Variants in GSE1 observed in about 807,000 individuals in gnomAD.
GSE1 encodes genetic suppressor element 1.
GSE1 carries 32 observed loss-of-function variants against 112.6 expected under a neutral mutation model. The ratio of observed to expected loss-of-function variants is 0.28; its 90% CI spans 0.21 to 0.38. The LOEUF (loss-of-function observed/expected upper bound fraction) is 0.38, where lower values mean the gene tolerates loss of function less well. GSE1 is among the 10% of genes least tolerant of loss of function. The pLI is 1.00. For synonymous variants in GSE1, 1,115 were observed against 735.6 expected (o/e 1.52, Z -8.35); for missense variants, 2,348 against 1,699.2 (o/e 1.38, Z -6.71).
intron 1 of GSE1, among the ~76,000 whole-genome samples, chr16:85,181,434 G>C (rs1274845274): frequency 6.6e-6 from 1 of 152,240 alleles, no homozygotes; most frequent in East Asian, 1.9e-4. Flanking sequence ...CCCTGCCCTG[G>C]AGTTCAGGGG....
intron 2 of GSE1, among the ~76,000 whole-genome samples, chr16:85,437,075 G>A (rs1380687236): frequency 1.3e-5 from 2 of 152,208 alleles, no homozygotes; most frequent in African/African-American, 2.4e-5. Context: ...GGGCGCAGCC[G>A]GCCGGTCTCA....
chr16:85,564,405 G>A (rs1598200263), intron 1 of GSE1, among the ~76,000 whole-genome samples: 1 of 152,204 alleles, frequency 6.6e-6, no homozygotes, highest in Admixed American at 6.5e-5. Context: ...TGTGTGGGGG[G>A]CATGGATTGA....
At chr16:85,484,521 C>T (rs1029325336) in intron 2 of GSE1, among the ~76,000 whole-genome samples, 7 of 152,228 alleles carry the variant, frequency 4.6e-5, no homozygotes, top group African/African-American at 1.4e-4. Context: ...CCTTGAGTGA[C>T]GAAGCCAGGG....
At chr16:85,499,460 G>A (rs1029552021) in intron 2 of GSE1, among the ~76,000 whole-genome samples, 5 of 151,810 alleles carry the variant, frequency 3.3e-5, no homozygotes, top group Non-Finnish European at 7.4e-5. Flanking sequence ...ACAGGCACCC[G>A]CCACCACGCC....
At position 85,659,161 on chromosome 16, in the gene GSE1, G is replaced by A. The variant is rs115394060; in HGVS notation, c.1640+1557G>A. ...TTCTGCTAAGAGGGACAGCAGCGTCGGATTTGTCCCTTGGCCTGGAGTCTG... is the reference window on the plus strand; with the variant it reads ...TTCTGCTAAGAGGGACAGCAGCGTCAGATTTGTCCCTTGGCCTGGAGTCTG... On this transcript the variant is annotated intron_variant, in intron 8 of 15. Transcript: ENST00000253458. Among the ~76,000 whole-genome samples, 264 of 152,290 alleles carry A rather than the reference G, an allele frequency of 1.7e-3. 3 individuals are homozygous for A. Among genetic ancestry groups the A allele is most frequent in the African/African-American group, 6.0e-3 (248 of 41,554 alleles).
At chr16:85,225,542 G>C (rs564295207) in intron 1 of GSE1, among the ~76,000 whole-genome samples, 1 of 152,190 alleles carries the variant, frequency 6.6e-6, no homozygotes, top group Non-Finnish European at 1.5e-5. Flanking sequence ...AGCCTGATCC[G>C]CATGAACCCT....
intron 1 of GSE1, among the ~76,000 whole-genome samples, chr16:85,217,212 C>T (rs1042472248): frequency 1.3e-5 from 2 of 152,168 alleles, no homozygotes; most frequent in African/African-American, 2.4e-5. Flanking sequence ...TGCATAGGCG[C>T]TCAGCAAATG....
chr16:85,511,970 G>A (rs748464761), intron 2 of GSE1, among the ~76,000 whole-genome samples: 13 of 152,162 alleles, frequency 8.5e-5, no homozygotes, highest in Admixed American at 3.9e-4. Context: ...TGGAGGGCTC[G>A]ATCCCCAGCC....
At chr16:85,242,853 C>T (rs79990802) in intron 1 of GSE1, among the ~76,000 whole-genome samples, 1 of 152,194 alleles carries the variant, frequency 6.6e-6, no homozygotes, top group East Asian at 1.9e-4. Context: ...GCTCTGTCAT[C>T]TAGGCTGGAG....
chr16:85,458,363 C>A (rs550001768), intron 2 of GSE1, among the ~76,000 whole-genome samples: 1 of 152,364 alleles, frequency 6.6e-6, no homozygotes, highest in Non-Finnish European at 1.5e-5. Flanking sequence ...GAGGAATGGG[C>A]CTTCAGGTGC....
chr16:85,421,420 T>C (rs1166353650), intron 2 of GSE1, among the ~76,000 whole-genome samples: 2 of 151,924 alleles, frequency 1.3e-5, no homozygotes, highest in Non-Finnish European at 2.9e-5. Flanking sequence ...AAGCAGGGGC[T>C]CCACCGCCTC....
intron 11 of GSE1, among the ~76,000 whole-genome samples, chr16:85,663,854 C>G (rs2052626695): frequency 6.6e-6 from 1 of 152,270 alleles, no homozygotes; most frequent in Non-Finnish European, 1.5e-5. Context: ...CTACCCATGT[C>G]ACTCATCCAT....
At chr16:85,247,430 A>G (rs12931173) in intron 1 of GSE1, among the ~76,000 whole-genome samples, 20,367 of 152,224 alleles carry the variant, frequency 0.13, 1,727 homozygotes, top group African/African-American at 0.24. Flanking sequence ...AGGACTGTAC[A>G]GGCTCCAGAA....
intron 2 of GSE1, among the ~76,000 whole-genome samples, chr16:85,528,899 A>G (rs2151177174): frequency 6.6e-6 from 1 of 152,248 alleles, no homozygotes; most frequent in East Asian, 1.9e-4. Context: ...CTGGGGCGGG[A>G]GTGAAAGCCA....
intron 2 of GSE1, among the ~76,000 whole-genome samples, chr16:85,478,899 C>CTTTCTTTCTTTCT (rs2050565896): frequency 2.6e-5 from 2 of 76,568 alleles, no homozygotes; most frequent in African/African-American, 1.3e-4. Flanking sequence ...TTCTTTCTTT[C>CTTTCTTTCTTTCT]TTTCTTTCTT....
At chr16:85,636,683 C>T (rs1453683357) in intron 2 of GSE1, among the ~76,000 whole-genome samples, 2 of 62,000 alleles carry the variant, frequency 3.2e-5, no homozygotes, top group Non-Finnish European at 5.6e-5. Context: ...GCTGCTGGGC[C>T]TTCCCGGGGG....
In GSE1 at chr16:85,654,840, G is replaced by A. The variant is rs144642193; in HGVS notation, c.646G>A (p.Glu216Lys). The change falls in exon 5 of 16, where the codon GAG (glutamate) becomes AAG (lysine). Residue 216 changes from glutamate (E) to lysine (K), a missense_variant. Transcript: ENST00000253458. The part of the protein sequence containing the change: ...HHVVPPSTVT[E>K]DYLRSFRPYH... ...CGTGGTGCCCCCCAGTACCGTGACC[G>A]AGGACTACCTGAGAAGCTTCCGGCC... is the stretch of plus-strand genomic sequence containing the variant. The A allele has an allele frequency of 1.8e-5, 29 of 1,611,786 alleles. No individual in the cohort carries two copies. The highest frequency in any genetic ancestry group is 2.3e-5 in the Non-Finnish European group (27 of 1,179,612).
intron 1 of GSE1, among the ~76,000 whole-genome samples, chr16:85,319,295 T>G (rs1287306625): frequency 1.3e-5 from 2 of 152,228 alleles, no homozygotes; most frequent in African/African-American, 4.8e-5. Flanking sequence ...GCCAGGGCAC[T>G]GGGTGGGACA....
chr16:85,349,072 A>C (rs2046801338), intron 1 of GSE1, among the ~76,000 whole-genome samples: 1 of 152,174 alleles, frequency 6.6e-6, no homozygotes, highest in Non-Finnish European at 1.5e-5. Context: ...GCGTGTGCTT[A>C]ATTAGTCCCT....
Sources: allele counts gnomAD v4.1 joint callset (sites outside exome capture counted in the v4.1 genomes callset), GRCh38; gene constraint gnomAD v4.1.1; transcripts MANE v1.5; gene names NCBI Gene and HGNC (gene_info 2026-07-23, HGNC 2026-07-21).